The following WDR64 variants were observed in gnomAD, a reference collection of about 807,000 sequenced individuals.
WDR64 encodes WD repeat domain 64, also known as WD repeat-containing protein 64.
WDR64 carries 112 observed loss-of-function variants against 139.3 expected under a neutral mutation model. The observed-to-expected ratio is 0.80, with a 90% CI of 0.69 to 0.94. The LOEUF (loss-of-function observed/expected upper bound fraction) is 0.94. WDR64 is among the 40% of genes least tolerant of loss of function. The pLI is 0.00. For synonymous variants in WDR64, 444 were observed against 437.7 expected, an observed-to-expected ratio of 1.01 and a Z score of -0.18; for missense variants, 1,206 against 1,293.1, an observed-to-expected ratio of 0.93 and a Z score of 1.03.
At chr1:241,767,827 T>C (rs1658249137) in intron 16 of WDR64, among the ~76,000 whole-genome samples, 1 of 152,190 alleles carries the variant, frequency 6.6e-6, no homozygotes, top group Non-Finnish European at 1.5e-5. Context: ...CCCCCCTTTC[T>C]GCACCTCAGT....
chr1:241,696,138 A>AAAAAAAAAAAAAAAAAAC, intron 8 of WDR64, among the ~76,000 whole-genome samples: 1 of 148,812 alleles, frequency 6.7e-6, no homozygotes, highest in African/African-American at 2.5e-5. Flanking sequence ...AAAAAAAAAA[A>AAAAAAAAAAAAAAAAAAC]AAAGCATTAG....
chr1:241,792,505 C>G (rs1238242319), intron 25 of WDR64, among the ~76,000 whole-genome samples: 1 of 151,786 alleles, frequency 6.6e-6, no homozygotes. Context: ...CACTGCACTC[C>G]AACCTTGGCG....
chr1:241,767,112 C>A (rs1221206283), intron 16 of WDR64, among the ~76,000 whole-genome samples: 1 of 152,180 alleles, frequency 6.6e-6, no homozygotes, highest in Non-Finnish European at 1.5e-5. Flanking sequence ...TTCTCCCCTT[C>A]CTGTATCCCC....
chr1:241,752,013 A>T (rs1669998732), intron 14 of WDR64, among the ~76,000 whole-genome samples: 1 of 152,222 alleles, frequency 6.6e-6, no homozygotes, highest in African/African-American at 2.4e-5. Flanking sequence ...GGTTCCAGGA[A>T]GATGATTAAT....
chr1:241,730,725 G>A (rs937892571), intron 10 of WDR64, among the ~76,000 whole-genome samples: 2 of 152,142 alleles, frequency 1.3e-5, no homozygotes, highest in African/African-American at 2.4e-5. Flanking sequence ...CTAAATGCTT[G>A]AGAGTGCATT....
At chr1:241,785,407 C>A (rs767768184) in intron 23 of WDR64, among the ~76,000 whole-genome samples, 2 of 152,134 alleles carry the variant, frequency 1.3e-5, no homozygotes, top group African/African-American at 4.8e-5. Context: ...CAAGCTCCCT[C>A]GGGCCTCTTT....
rs758659495 is a variant in WDR64, at chr1:241,687,488, G to T, written c.867G>T (p.Trp289Cys). The T allele has an allele frequency of 6.8e-6, 11 of 1,613,806 alleles. No individual in the cohort carries two copies. The East Asian group carries it at 2.5e-4, about 36-fold the overall frequency. The part of the protein sequence containing the change: ...KSVKRKLHND[W>C]VMKIRYISAL... ...TTAAAAGGAAGCTACATAATGACTG[G>T]GTTATGAAAATTAGATATATTTCAG... The change falls in exon 8 of 28, where the codon TGG (tryptophan) becomes TGT (cysteine). Residue 289 changes from tryptophan to cysteine, a missense_variant. Transcript: ENST00000437684.
At chr1:241,675,988 T>C (rs1199185210) in intron 4 of WDR64, 3 of 152,258 alleles carry the variant, frequency 2.0e-5, no homozygotes, top group Non-Finnish European at 4.4e-5. Flanking sequence ...AAAATCCTAA[T>C]GATTAGTTCA....
intron 6 of WDR64, among the ~76,000 whole-genome samples, chr1:241,683,181 G>A (rs1198140345): frequency 6.6e-6 from 1 of 151,964 alleles, no homozygotes; most frequent in Non-Finnish European, 1.5e-5. Flanking sequence ...TTACTTTAAT[G>A]TTTTCTTATA....
intron 16 of WDR64, 131 bp downstream of exon 16, chr1:241,766,482 C>T (rs1049679866): frequency 4.9e-6 from 5 of 1,016,238 alleles, no homozygotes; most frequent in East Asian, 2.6e-5. Context: ...AGGAGGATCA[C>T]TTAAGGCCAG....
At chr1:241,702,426 C>T (rs562641981) in intron 8 of WDR64, among the ~76,000 whole-genome samples, 25 of 151,826 alleles carry the variant, frequency 1.6e-4, no homozygotes, top group Non-Finnish European at 2.2e-4. Flanking sequence ...AGTTAACTCA[C>T]GTAAAGTGCC....
At chr1:241,739,333 A>G (rs1669447529) in intron 11 of WDR64, among the ~76,000 whole-genome samples, 2 of 152,278 alleles carry the variant, frequency 1.3e-5, no homozygotes, top group East Asian at 1.9e-4. Context: ...TTTCCTAAGC[A>G]TTTTCCCACT....
intron 11 of WDR64, 55 bp from the exon 12 acceptor site, chr1:241,741,461 T>A: frequency 6.6e-7 from 1 of 1,511,028 alleles, no homozygotes; most frequent in Non-Finnish European, 8.8e-7. Flanking sequence ...TGAAACCCTT[T>A]GTGATTAGAA....
chr1:241,721,385 T>C (rs1379892495), intron 9 of WDR64, among the ~76,000 whole-genome samples: 2 of 134,678 alleles, frequency 1.5e-5, no homozygotes, highest in Non-Finnish European at 2.9e-5. Flanking sequence ...ATTATGACTG[T>C]TAATAATTTA....
intron 5 of WDR64, 66 bp downstream of exon 5, chr1:241,678,282 T>C (rs1666637847): frequency 2.5e-6 from 1 of 398,580 alleles, no homozygotes. Context: ...TCCTTCACAA[T>C]TAATTAAAAT....
chr1:241,791,758 A>G (rs1659221694), intron 25 of WDR64, among the ~76,000 whole-genome samples: 1 of 152,192 alleles, frequency 6.6e-6, no homozygotes, highest in Admixed American at 6.5e-5. Context: ...TGCTTGTCTC[A>G]AGGTTCTTAA....
In WDR64 at chr1:241,774,244, G is replaced by A. The variant is rs547466399; in HGVS notation, c.2431-861G>A. On this transcript the variant is annotated intron_variant, in intron 20 of 27. Transcript: ENST00000437684. ...GGGATCCAACAACACGGAACCGCAT[G>A]GCTTTCTGCCAGATAAAACTCTAAG... Among the ~76,000 whole-genome samples, 30 of 152,298 alleles carry A rather than the reference G, an allele frequency of 2.0e-4. 2 individuals carry two copies. The South Asian group carries it at 6.2e-3, about 32-fold the overall frequency.
At chr1:241,714,278 G>C (rs1668315468) in intron 9 of WDR64, among the ~76,000 whole-genome samples, 1 of 151,972 alleles carries the variant, frequency 6.6e-6, no homozygotes, top group South Asian at 2.1e-4. Flanking sequence ...AAAAAGGGAA[G>C]AAACAATAAA....
chr1:241,679,836 T>C (rs1666708825), intron 6 of WDR64, among the ~76,000 whole-genome samples: 3 of 152,166 alleles, frequency 2.0e-5, no homozygotes. Context: ...GAGGGGGTAA[T>C]TCCTTTCTTC....
Sources: gnomAD v4.1 joint callset for allele counts (sites outside exome capture counted in the v4.1 genomes callset) on GRCh38, gnomAD v4.1.1 for gene constraint, MANE v1.5 for transcripts, NCBI Gene and HGNC (gene_info 2026-07-23, HGNC 2026-07-21) for gene names.